Variants in LRRC8C observed in about 807,000 individuals in gnomAD.
LRRC8C encodes volume-regulated anion channel subunit LRRC8C.
Under a neutral mutation model 55.3 loss-of-function variants are expected in LRRC8C, and 20 were observed. That is an observed-to-expected ratio of 0.36 (90% CI 0.25 to 0.53). The LOEUF is 0.53. LRRC8C is among the 20% of genes least tolerant of loss of function. The probability of loss-of-function intolerance (pLI) is 0.92; values close to 1 mark genes in which losing one functional copy is unlikely to be tolerated. For synonymous variants in LRRC8C, 376 were observed against 360.7 expected (o/e 1.04, Z -0.48); for missense variants, 659 against 951.4 (o/e 0.69, Z 4.04).
chr1:89,685,131 C>T (rs1360758167), intron 1 of LRRC8C, among the ~76,000 whole-genome samples: 12 of 102,758 alleles, frequency 1.2e-4, no homozygotes, highest in Admixed American at 1.5e-4. Context: ...TTTTTTGAGA[C>T]GGAGTCTCAC....
At chr1:89,677,653 C>T (rs1657586534) in intron 1 of LRRC8C, among the ~76,000 whole-genome samples, 1 of 152,210 alleles carries the variant, frequency 6.6e-6, no homozygotes, top group Non-Finnish European at 1.5e-5. Context: ...TCTCTCTTGG[C>T]TCAGGATTTT....
chr1:89,686,261 AAAAGGCAAGTACTTGCCTT>A (rs1460706093), intron 1 of LRRC8C, among the ~76,000 whole-genome samples, 190 bp from the exon 2 acceptor site: 1 of 152,164 alleles, frequency 6.6e-6, no homozygotes, highest in Non-Finnish European at 1.5e-5. Context: ...ATTGGACAAG[AAAAGGCAAGTACTTGCCTT>A]TTCCATGTGG....
intron 1 of LRRC8C, among the ~76,000 whole-genome samples, chr1:89,669,972 T>G (rs1027534633): frequency 9.2e-5 from 14 of 152,164 alleles, no homozygotes; most frequent in Admixed American, 8.5e-4. Context: ...GAGTGGAGAT[T>G]CTATGTCATT....
At chr1:89,696,372 A>G (rs935751632) in intron 2 of LRRC8C, among the ~76,000 whole-genome samples, 2 of 152,108 alleles carry the variant, frequency 1.3e-5, no homozygotes, top group East Asian at 3.8e-4. Context: ...TGTGGTAGGG[A>G]GTTCTGAAAA....
rs189938886 is a variant in LRRC8C at position 89,648,447 on chromosome 1, A to G, written c.-5+15125A>G. On this transcript the variant is annotated intron_variant, in intron 1 of 2. Transcript: ENST00000370454. ...ACAGTCTTAAATTTTTAGTATAAAT[A>G]ATAACCAACCATCTGACCTATGAGA... Among the ~76,000 whole-genome samples the G allele has an allele frequency of 5.2e-4, 79 of 152,320 alleles. 1 individual carries two copies. In the East Asian group the frequency reaches 6.7e-3, roughly 13 times the overall value.
Position 89,686,465 on chromosome 1 carries a change from C to T in LRRC8C, c.-4-5C>T. 1 of 1,613,990 alleles carries T rather than the reference C, an allele frequency of 6.2e-7. No homozygotes were observed. The highest frequency in any genetic ancestry group is 8.5e-7 in the Non-Finnish European group (1 of 1,179,968). On this transcript the variant is annotated splice_region_variant and splice_polypyrimidine_tract_variant and intron_variant, in intron 1 of 2. Transcript: ENST00000370454. The stretch of plus-strand genomic sequence containing the variant: ...TTGATTTACAAGTAATCTCTCCTTT[C>T]TCAGAAACATGATTCCCGTGACAGA...
chr1:89,674,097 T>C (rs574394830), intron 1 of LRRC8C, among the ~76,000 whole-genome samples: 1 of 152,368 alleles, frequency 6.6e-6, no homozygotes, highest in East Asian at 1.9e-4. Context: ...ATGCAATGTA[T>C]GTTACCTAGT....
At chr1:89,646,076 A>G (rs1054990351) in intron 1 of LRRC8C, among the ~76,000 whole-genome samples, 11 of 152,216 alleles carry the variant, frequency 7.2e-5, no homozygotes, top group South Asian at 2.1e-4. Flanking sequence ...TTAGATTCCC[A>G]AAAGCATAGA....
At chr1:89,662,431 T>C (rs1657145409) in intron 1 of LRRC8C, among the ~76,000 whole-genome samples, 2 of 152,124 alleles carry the variant, frequency 1.3e-5, no homozygotes, top group South Asian at 2.1e-4. Context: ...TTAGAGGATT[T>C]TGAATGGAGA....
chr1:89,710,223 T>C (rs1658611644), intron 2 of LRRC8C, among the ~76,000 whole-genome samples: 1 of 152,158 alleles, frequency 6.6e-6, no homozygotes, highest in South Asian at 2.1e-4. Context: ...CAGGAAAGCA[T>C]CTGGAACATG....
At chr1:89,695,254 A>G (rs904333749) in intron 2 of LRRC8C, among the ~76,000 whole-genome samples, 10 of 152,070 alleles carry the variant, frequency 6.6e-5, no homozygotes, top group South Asian at 4.1e-4. Context: ...ACATAGTGAC[A>G]TTTTTCATCA....
chr1:89,640,326 G>GTGCTGGGATTA (rs1656419422), intron 1 of LRRC8C, among the ~76,000 whole-genome samples: 2 of 152,144 alleles, frequency 1.3e-5, no homozygotes, highest in African/African-American at 4.8e-5. Context: ...GCTTCCCAAA[G>GTGCTGGGATTA]TGCTGGGATT....
chr1:89,701,408 G>A (rs1171302910), intron 2 of LRRC8C, among the ~76,000 whole-genome samples: 1 of 151,554 alleles, frequency 6.6e-6, no homozygotes, highest in African/African-American at 2.4e-5. Context: ...CCTGGGAGGC[G>A]GAACTTGCAG....
At chr1:89,631,438 T>C (rs552052602), upstream of LRRC8C, among the ~76,000 whole-genome samples, 3 of 152,240 alleles carry the variant, frequency 2.0e-5, no homozygotes, top group Admixed American at 2.0e-4. Context: ...GATAGAAGTA[T>C]ATCAGAGAGC....
chr1:89,651,893 T>C (rs2101196780), intron 1 of LRRC8C, among the ~76,000 whole-genome samples: 1 of 152,324 alleles, frequency 6.6e-6, no homozygotes, highest in African/African-American at 2.4e-5. Context: ...GCTGGTCAAC[T>C]GCATGGGTCA....
intron 1 of LRRC8C, among the ~76,000 whole-genome samples, chr1:89,683,658 ATTAATT>A (rs1444863541): frequency 6.6e-6 from 1 of 152,072 alleles, no homozygotes; most frequent in Non-Finnish European, 1.5e-5. Flanking sequence ...CTGGCCACTA[ATTAATT>A]TTAATATAAT....
intron 1 of LRRC8C, among the ~76,000 whole-genome samples, chr1:89,674,432 T>C (rs1657501750): frequency 1.3e-5 from 2 of 152,244 alleles, no homozygotes; most frequent in African/African-American, 2.4e-5. Flanking sequence ...AATGTCTAAC[T>C]TGGAAAAGAT....
chr1:89,631,339 A>T (rs1317645558), upstream of LRRC8C, among the ~76,000 whole-genome samples: 1 of 152,140 alleles, frequency 6.6e-6, no homozygotes, highest in African/African-American at 2.4e-5. Context: ...CTGAGTACAA[A>T]GTCTAAGGTT....
At chr1:89,652,309 A>C (rs764465726) in intron 1 of LRRC8C, among the ~76,000 whole-genome samples, 7 of 152,334 alleles carry the variant, frequency 4.6e-5, no homozygotes, top group African/African-American at 7.2e-5. Context: ...TCCAGGAAAA[A>C]GTTAGTAATT....
Sources: allele counts gnomAD v4.1 joint callset (sites outside exome capture counted in the v4.1 genomes callset), GRCh38; gene constraint gnomAD v4.1.1; transcripts MANE v1.5; gene names NCBI Gene and HGNC (gene_info 2026-07-23, HGNC 2026-07-21).